COG5: variants seen among roughly 807,000 people sequenced by gnomAD.
COG5 encodes conserved oligomeric Golgi complex subunit 5.
Under a neutral mutation model 110.4 loss-of-function variants are expected in COG5, and 86 were observed. The observed-to-expected ratio is 0.78, with a 90% CI of 0.65 to 0.93. COG5 has a LOEUF of 0.93. Among genes scored for constraint, COG5 ranks in the 40% least tolerant of loss-of-function variants. The pLI is 0.00. For synonymous variants in COG5, 360 were observed against 334.6 expected (o/e 1.08, Z -0.83); for missense variants, 1,077 against 987.0 (o/e 1.09, Z -1.22).
At chr7:107,454,307 T>C (rs2129095980) in intron 6 of COG5, among the ~76,000 whole-genome samples, 1 of 152,318 alleles carries the variant, frequency 6.6e-6, no homozygotes, top group Non-Finnish European at 1.5e-5. Context: ...GATGGAAGTC[T>C]AGTACTGTGT....
In COG5 at chr7:107,385,621, T is replaced by C. The variant is rs149593494; in HGVS notation, c.670-12861A>G. Among the ~76,000 whole-genome samples the C allele has an allele frequency of 3.2e-3, 482 of 152,222 alleles. 4 individuals are homozygous for C. Among genetic ancestry groups the C allele is most frequent in the African/African-American group, 0.011 (466 of 41,548 alleles). The stretch of plus-strand genomic sequence containing the variant: ...AAGCCAGTCAAAAAAAGACAAATAA[T>C]GTATGATTCCACTTAACATGAGGTA... On this transcript the variant is annotated intron_variant, in intron 7 of 21. Coordinates refer to ENST00000297135, the MANE Select transcript of COG5 (RefSeq NM_006348.5).
intron 5 of COG5, among the ~76,000 whole-genome samples, chr7:107,527,852 G>T (rs1392134827): frequency 6.6e-6 from 1 of 152,100 alleles, no homozygotes; most frequent in African/African-American, 2.4e-5. Flanking sequence ...ATGTTCCAAT[G>T]CCCAGGCCAC....
chr7:107,290,034 C>A (rs1000409169), intron 12 of COG5, among the ~76,000 whole-genome samples: 2 of 152,146 alleles, frequency 1.3e-5, no homozygotes, highest in African/African-American at 4.8e-5. Flanking sequence ...CTTATCTTCA[C>A]ATATAGGTAC....
At chr7:107,264,969 T>C (rs1468322725) in intron 14 of COG5, among the ~76,000 whole-genome samples, 3 of 151,476 alleles carry the variant, frequency 2.0e-5, no homozygotes, top group Non-Finnish European at 4.4e-5. Context: ...AAAGCAAAAA[T>C]GTAAAGAAAT....
At chr7:107,314,583 A>G (rs919080805) in intron 11 of COG5, among the ~76,000 whole-genome samples, 1 of 89,916 alleles carries the variant, frequency 1.1e-5, no homozygotes, top group Admixed American at 9.8e-5. Context: ...TCTCTACTAC[A>G]AAAAAAAAAA....
chr7:107,455,904 G>A (rs1302833580), intron 6 of COG5, among the ~76,000 whole-genome samples: 1 of 151,784 alleles, frequency 6.6e-6, no homozygotes. Flanking sequence ...AGCGATTCTT[G>A]TGCCTCAGCC....
At chr7:107,451,722 T>C (rs1795353262) in intron 6 of COG5, among the ~76,000 whole-genome samples, 1 of 152,222 alleles carries the variant, frequency 6.6e-6, no homozygotes, top group Non-Finnish European at 1.5e-5. Context: ...GAACATTAAA[T>C]ATACTTTCTC....
At chr7:107,555,079 G>A (rs1229746113) in intron 2 of COG5, among the ~76,000 whole-genome samples, 1 of 152,132 alleles carries the variant, frequency 6.6e-6, no homozygotes, top group Non-Finnish European at 1.5e-5. Flanking sequence ...ATCCTACTCT[G>A]GAAAGATACA....
intron 11 of COG5, among the ~76,000 whole-genome samples, chr7:107,316,724 C>T (rs112892114): frequency 4.7e-4 from 70 of 149,564 alleles, no homozygotes; most frequent in Admixed American, 1.5e-3. Flanking sequence ...CCCAGCTACT[C>T]GGGAGGCTGA....
intron 6 of COG5, among the ~76,000 whole-genome samples, chr7:107,460,954 T>C (rs1245164168): frequency 6.6e-6 from 1 of 152,082 alleles, no homozygotes; most frequent in Non-Finnish European, 1.5e-5. Context: ...ATTTATAATT[T>C]AAAACTTTGA....
chr7:107,438,721 C>T (rs1389151457), intron 6 of COG5, among the ~76,000 whole-genome samples: 1 of 152,036 alleles, frequency 6.6e-6, no homozygotes, highest in Non-Finnish European at 1.5e-5. Flanking sequence ...ATGGTACTTA[C>T]AAAGAAGTAA....
At chr7:107,486,979 T>C (rs879430177) in intron 6 of COG5, among the ~76,000 whole-genome samples, 4 of 152,156 alleles carry the variant, frequency 2.6e-5, no homozygotes, top group Non-Finnish European at 1.5e-5. Flanking sequence ...AAATAGCAGA[T>C]AGATAAAAGT....
chr7:107,456,013 GGTCTC>G (rs1795649292), intron 6 of COG5, among the ~76,000 whole-genome samples: 1 of 151,912 alleles, frequency 6.6e-6, no homozygotes, highest in East Asian at 1.9e-4. Flanking sequence ...TGGCCAGGCT[GGTCTC>G]GAACTCCTGA....
intron 11 of COG5, among the ~76,000 whole-genome samples, chr7:107,304,561 TTC>T (rs1807547424): frequency 6.6e-6 from 1 of 152,218 alleles, no homozygotes; most frequent in African/African-American, 2.4e-5. Context: ...TATCTTAATC[TTC>T]TTACTACCCC....
chr7:107,253,003 G>A (rs1023758884), intron 16 of COG5: 6 of 152,102 alleles, frequency 3.9e-5, no homozygotes. Context: ...AATACTGAAT[G>A]CTTTACCCCC....
Position 107,203,580 on chromosome 7 carries a change from T to A in COG5, c.2426A>T (p.Glu809Val). ...VQSVRSREGKEFAPVYPIMVQ... is the reference protein window; with the variant it reads ...VQSVRSREGKVFAPVYPIMVQ... ...CATTATGGGATAAACTGGTGCAAAT[T>A]CTTTGCCTTCTCTACTTCTCACTGA... The change falls in exon 22 of 22, where the codon GAA becomes GTA. Residue 809 changes from glutamate to valine, a missense_variant. Physicochemically the swap from Glu to Val is moderately radical, Grantham distance 121 (BLOSUM62 -2). Transcript: ENST00000297135. 6.2e-7 allele frequency: 1 copy of A among 1,614,146 alleles called. No homozygotes were observed. Among genetic ancestry groups the A allele is most frequent in the Non-Finnish European group, 8.5e-7 (1 of 1,180,004 alleles).
intron 12 of COG5, among the ~76,000 whole-genome samples, chr7:107,291,112 G>A (rs889174267): frequency 3.3e-5 from 5 of 152,150 alleles, no homozygotes; most frequent in Non-Finnish European, 1.5e-5. Context: ...AAAAAACTGG[G>A]AAGGTTTCAT....
chr7:107,206,370 C>G lies in COG5; in HGVS notation c.2376-2740G>C, dbSNP rs79473669. ...GGCATGCAAGATGGAATTTAGTGCT[C>G]TTAGAGAACAATGTTTTGTGAGATG... On this transcript the variant is annotated intron_variant, in intron 21 of 21. Transcript: ENST00000297135. Among the ~76,000 whole-genome samples, 501 of 152,318 alleles carry G rather than the reference C, an allele frequency of 3.3e-3. 2 individuals are homozygous for G. Among genetic ancestry groups the G allele is most frequent in the Middle Eastern group, 0.014 (4 of 294 alleles).
intron 6 of COG5, among the ~76,000 whole-genome samples, chr7:107,437,678 G>A (rs1223779327): frequency 1.3e-5 from 2 of 151,948 alleles, no homozygotes; most frequent in Non-Finnish European, 2.9e-5. Context: ...ATATTTAGAT[G>A]CACATATTAA....
Sources: gnomAD v4.1 joint callset for allele counts (sites outside exome capture counted in the v4.1 genomes callset) on GRCh38, gnomAD v4.1.1 for gene constraint, MANE v1.5 for transcripts, NCBI Gene and HGNC (gene_info 2026-07-23, HGNC 2026-07-21) for gene names.